The following ZMAT4 variants were observed in gnomAD, a reference collection of about 807,000 sequenced individuals.
ZMAT4 encodes the protein zinc finger matrin-type protein 4.
A neutral mutation model predicts 28.7 loss-of-function variants in ZMAT4; 17 were observed. That is an observed-to-expected ratio of 0.59 (90% CI 0.41 to 0.89). The LOEUF is 0.89. Among genes scored for constraint, ZMAT4 ranks in the 40% least tolerant of loss-of-function variants. The pLI is 0.00. For missense variants in ZMAT4, 240 were observed against 283.8 expected (o/e 0.85, Z 1.11); for synonymous variants, 117 against 109.2 (o/e 1.07, Z -0.44).
At chr8:40,535,663 G>T (rs1802821785) in intron 6 of ZMAT4, among the ~76,000 whole-genome samples, 1 of 46,546 alleles carries the variant, frequency 2.1e-5, no homozygotes, top group African/African-American at 8.2e-5. Context: ...GCAAGACTCT[G>T]TCTCAAAAAA....
At chr8:40,580,289 G>A (rs1472009799) in intron 6 of ZMAT4, among the ~76,000 whole-genome samples, 1 of 152,064 alleles carries the variant, frequency 6.6e-6, no homozygotes, top group Non-Finnish European at 1.5e-5. Flanking sequence ...TGGGACTACA[G>A]GCATGAGCCA....
At chr8:40,831,668 G>A (rs1395381248) in intron 1 of ZMAT4, among the ~76,000 whole-genome samples, 1 of 152,182 alleles carries the variant, frequency 6.6e-6, no homozygotes, top group Non-Finnish European at 1.5e-5. Flanking sequence ...TCCCTCACTG[G>A]CCCTTTAAAG....
At chr8:40,780,088 C>T (rs540805661) in intron 2 of ZMAT4, among the ~76,000 whole-genome samples, 2 of 152,182 alleles carry the variant, frequency 1.3e-5, no homozygotes, top group South Asian at 2.1e-4. Flanking sequence ...TTTAGCTATC[C>T]GAACACCCTA....
At chr8:40,885,331 G>A (rs1818416332) in intron 1 of ZMAT4, among the ~76,000 whole-genome samples, 1 of 151,960 alleles carries the variant, frequency 6.6e-6, no homozygotes, top group African/African-American at 2.4e-5. Flanking sequence ...AATCCTGCCA[G>A]CTCTCCCTTC....
chr8:40,801,855 A>G (rs1814864258), intron 2 of ZMAT4, among the ~76,000 whole-genome samples: 2 of 152,180 alleles, frequency 1.3e-5, no homozygotes, highest in South Asian at 4.1e-4. Flanking sequence ...ATTAAATCCA[A>G]CAATGTACAA....
intron 5 of ZMAT4, among the ~76,000 whole-genome samples, chr8:40,612,101 G>A (rs1805821571): frequency 6.6e-6 from 1 of 152,160 alleles, no homozygotes; most frequent in Non-Finnish European, 1.5e-5. Flanking sequence ...TGCTTTGTAA[G>A]AATGAAGATA....
intron 5 of ZMAT4, among the ~76,000 whole-genome samples, chr8:40,617,319 T>G (rs545411369): frequency 6.6e-6 from 1 of 152,270 alleles, no homozygotes; most frequent in East Asian, 1.9e-4. Context: ...CATTTCGGGG[T>G]CCCTCCAGAC....
intron 1 of ZMAT4, among the ~76,000 whole-genome samples, chr8:40,837,003 G>A (rs1480584886): frequency 6.6e-6 from 1 of 152,170 alleles, no homozygotes; most frequent in East Asian, 1.9e-4. Context: ...GACAAATAAT[G>A]GCTGGATAGA....
At chr8:40,640,054 G>A (rs544865353) in intron 5 of ZMAT4, among the ~76,000 whole-genome samples, 43 of 152,250 alleles carry the variant, frequency 2.8e-4, no homozygotes, top group African/African-American at 1.0e-3. Flanking sequence ...ATAGTTCACT[G>A]TAGCCTCAAA....
In ZMAT4 at chr8:40,833,540, C is replaced by CAAAAAAA. The variant is rs57458575; in HGVS notation, c.-4-7867_-4-7861dup. ...CCGAGATCATACCACTACACTCCAG[C>CAAAAAAA]AAAAAAAAAAAAAAAAAAGACATGA... On this transcript the variant is annotated intron_variant, in intron 1 of 6. Coordinates refer to ENST00000297737, the MANE Select transcript of ZMAT4 (RefSeq NM_024645.3). Among the ~76,000 whole-genome samples, 311 of 87,022 alleles carry CAAAAAAA rather than the reference C, an allele frequency of 3.6e-3. 6 individuals carry two copies. Among genetic ancestry groups the CAAAAAAA allele is most frequent in the African/African-American group, 0.011 (275 of 24,054 alleles). The allele number at this position is 87,022 out of a possible 152,430, so 57.1% of individuals were successfully genotyped here.
In ZMAT4 at chr8:40,699,729, A is replaced by T. The variant is rs563238139; in HGVS notation, c.193-2328T>A. ...AGTGTTTGAATTATACCATTTTTTT[A>T]ACTACTTACGCATGACATAGGTCAA... On this transcript the variant is annotated intron_variant, in intron 3 of 6. Transcript: ENST00000297737. Among the ~76,000 whole-genome samples the T allele has an allele frequency of 1.6e-4, 25 of 152,334 alleles. No individual in the cohort carries two copies. The South Asian group carries it at 5.0e-3, about 30-fold the overall frequency.
At chr8:40,557,934 T>C (rs891382066) in intron 6 of ZMAT4, among the ~76,000 whole-genome samples, 10 of 152,058 alleles carry the variant, frequency 6.6e-5, no homozygotes, top group Non-Finnish European at 1.3e-4. Context: ...AACTGCTAGG[T>C]AGAGACAAAA....
At position 40,532,294 on chromosome 8, in the gene ZMAT4, A is replaced by T. The variant is rs575075918; in HGVS notation, c.675-56T>A. 4 of 1,511,822 alleles carry T rather than the reference A, an allele frequency of 2.6e-6. No homozygotes were observed. The African/African-American group carries it at 4.2e-5, about 16-fold the overall frequency. 93.7% of individuals were successfully genotyped at this position (1,511,822 alleles called of 1,614,324 possible). A position where few individuals can be genotyped will look rare whatever the true frequency, so the allele number is the denominator to read the frequency against. On this transcript the variant is annotated intron_variant, in intron 6 of 6. Transcript: ENST00000297737. ...TTCTTTCATAATTACAAATTCCAAC[A>T]CCTCTTTCTCCCCCCCACCCCCTGT...
At chr8:40,601,706 AAAG>A (rs1205538408) in intron 5 of ZMAT4, among the ~76,000 whole-genome samples, 1 of 13,272 alleles carries the variant, frequency 7.5e-5, no homozygotes, top group African/African-American at 4.1e-4. Context: ...GAAAGAAAGA[AAAG>A]AAAGAAAGAA....
chr8:40,617,056 G>A (rs529000440), intron 5 of ZMAT4, among the ~76,000 whole-genome samples: 2 of 152,114 alleles, frequency 1.3e-5, no homozygotes, highest in Non-Finnish European at 2.9e-5. Context: ...TAGACCCTGA[G>A]CTTTGAGAAG....
intron 2 of ZMAT4, among the ~76,000 whole-genome samples, chr8:40,768,905 C>A (rs1813274024): frequency 6.6e-6 from 1 of 152,084 alleles, no homozygotes; most frequent in Non-Finnish European, 1.5e-5. Context: ...AGCCCATCTC[C>A]TGGATGGTGG....
chr8:40,574,007 C>T (rs1345221074), intron 6 of ZMAT4, among the ~76,000 whole-genome samples: 1 of 152,164 alleles, frequency 6.6e-6, no homozygotes, highest in Non-Finnish European at 1.5e-5. Context: ...TCTGATACCT[C>T]TATAATCACT....
chr8:40,589,736 CTTT>C (rs1173846161), intron 5 of ZMAT4, among the ~76,000 whole-genome samples: 22 of 86,090 alleles, frequency 2.6e-4, no homozygotes, highest in African/African-American at 7.3e-4. Context: ...CCTTTCCTTT[CTTT>C]CTTTCTTTCT....
intron 2 of ZMAT4, among the ~76,000 whole-genome samples, chr8:40,775,873 G>T (rs1032625264): frequency 6.6e-6 from 1 of 152,232 alleles, no homozygotes; most frequent in South Asian, 2.1e-4. Context: ...TGATAGGACC[G>T]GTGTCTTTAT....
Sources: allele counts gnomAD v4.1 joint callset (sites outside exome capture counted in the v4.1 genomes callset), GRCh38; gene constraint gnomAD v4.1.1; transcripts MANE v1.5; gene names NCBI Gene and HGNC (gene_info 2026-07-23, HGNC 2026-07-21).